JPH2: variants seen among roughly 807,000 people sequenced by gnomAD.
JPH2 encodes junctophilin-2.
A neutral mutation model predicts 55.9 loss-of-function variants in JPH2; 38 were observed. The observed-to-expected ratio is 0.68, with a 90% confidence interval of 0.52 to 0.89. The LOEUF (loss-of-function observed/expected upper bound fraction) is 0.89, where lower values mean the gene tolerates loss of function less well. Ranked by LOEUF, JPH2 falls within the 40% of genes least tolerant of loss-of-function variation. JPH2 has a pLI of 0.00. For synonymous variants in JPH2, 480 were observed against 472.4 expected, an observed-to-expected ratio of 1.02 and a Z score of -0.21; for missense variants, 964 against 1,037.6, an observed-to-expected ratio of 0.93 and a Z score of 0.97.
chr20:44,108,549 G>T lies in JPH2; in HGVS notation c.*4969C>A, dbSNP rs2072121718. Among the ~76,000 whole-genome samples, 1 of 149,822 alleles carries T rather than the reference G, an allele frequency of 6.7e-6. No individual in the cohort carries two copies. Among genetic ancestry groups the T allele is most frequent in the Non-Finnish European group, 1.5e-5 (1 of 67,748 alleles). On this transcript the variant is annotated 3_prime_UTR_variant, in exon 6 of 6. Transcript: ENST00000372980. Reference sequence around the variant, plus strand: ...AAGATTGCTGACTTTACAGCCTCAAGATGTAAATAGCTTTAAAAGGTCACT... The same window carrying T: ...AAGATTGCTGACTTTACAGCCTCAATATGTAAATAGCTTTAAAAGGTCACT...
chr20:44,150,550 G>T (rs1238212729), intron 2 of JPH2, among the ~76,000 whole-genome samples: 1 of 152,138 alleles, frequency 6.6e-6, no homozygotes, highest in African/African-American at 2.4e-5. Context: ...ATATGGAAAT[G>T]CAAGGAACTC....
At chr20:44,183,514 A>G (rs907417510) in intron 1 of JPH2, among the ~76,000 whole-genome samples, 4 of 152,186 alleles carry the variant, frequency 2.6e-5, no homozygotes, top group African/African-American at 4.8e-5. Context: ...ATGCAAATCT[A>G]TCCTGCATCT....
intron 2 of JPH2, among the ~76,000 whole-genome samples, chr20:44,127,262 A>G (rs1183266982): frequency 6.6e-6 from 1 of 152,214 alleles, no homozygotes; most frequent in Non-Finnish European, 1.5e-5. Flanking sequence ...TAATGCTGCT[A>G]TGGACATCTG....
At chr20:44,128,998 G>C (rs1026983987) in intron 2 of JPH2, among the ~76,000 whole-genome samples, 2 of 152,192 alleles carry the variant, frequency 1.3e-5, no homozygotes, top group African/African-American at 4.8e-5. Context: ...ATTAGAGAGA[G>C]AACTGACCAG....
At position 44,129,427 on chromosome 20, in the gene JPH2, C is replaced by T. The variant is rs191848782; in HGVS notation, c.1170-10804G>A. On this transcript the variant is annotated intron_variant, in intron 2 of 5. Coordinates refer to ENST00000372980, the MANE Select transcript of JPH2 (RefSeq NM_020433.5). ...AAAATTTGCTGGGCGCAGTGGTGCGCATCTGTAATCCTAGCTACTAGAGAG... is the reference window on the plus strand; with the variant it reads ...AAAATTTGCTGGGCGCAGTGGTGCGTATCTGTAATCCTAGCTACTAGAGAG... Among the ~76,000 whole-genome samples the T allele has an allele frequency of 3.3e-5, 5 of 152,014 alleles. No homozygotes were observed. The East Asian group carries it at 9.7e-4, about 30-fold the overall frequency.
intron 2 of JPH2, among the ~76,000 whole-genome samples, chr20:44,135,801 A>G (rs768937784): frequency 6.6e-6 from 1 of 152,204 alleles, no homozygotes; most frequent in Non-Finnish European, 1.5e-5. Context: ...CAACACAGCA[A>G]CAAGAAGGGG....
intron 2 of JPH2, among the ~76,000 whole-genome samples, chr20:44,131,868 T>C (rs1011529976): frequency 6.6e-6 from 1 of 152,192 alleles, no homozygotes; most frequent in Non-Finnish European, 1.5e-5. Context: ...CCCAGACCCA[T>C]CATTCACTTC....
At chr20:44,123,211 C>T (rs975399497) in intron 2 of JPH2, among the ~76,000 whole-genome samples, 5 of 152,186 alleles carry the variant, frequency 3.3e-5, no homozygotes, top group African/African-American at 1.2e-4. Flanking sequence ...GTCCCATGCT[C>T]CCAATCTCTG....
At position 44,108,573 on chromosome 20, in the gene JPH2, C is replaced by T. The variant is rs996626128; in HGVS notation, c.*4945G>A. Among the ~76,000 whole-genome samples, 11 of 148,014 alleles carry T rather than the reference C, an allele frequency of 7.4e-5. No homozygotes were observed. The highest frequency in any genetic ancestry group is 2.3e-4 in the African/African-American group (9 of 39,512). On this transcript the variant is annotated 3_prime_UTR_variant, in exon 6 of 6. Coordinates refer to ENST00000372980, the MANE Select transcript of JPH2 (RefSeq NM_020433.5). ...AGATGTAAATAGCTTTAAAAGGTCA[C>T]TAAGAAGTGACTGTATACCATTGCA... is the stretch of plus-strand genomic sequence containing the variant.
At chr20:44,145,472 A>G (rs2425621) in intron 2 of JPH2, among the ~76,000 whole-genome samples, 136,688 of 151,956 alleles carry the variant, frequency 0.9, 61,576 homozygotes, top group African/African-American at 0.93. Flanking sequence ...TGGGTGTGGT[A>G]GCGTGCCTGT....
At chr20:44,154,632 G>A (rs1468366264) in intron 2 of JPH2, among the ~76,000 whole-genome samples, 1 of 152,200 alleles carries the variant, frequency 6.6e-6, no homozygotes, top group Non-Finnish European at 1.5e-5. Context: ...GGGAGGAGCT[G>A]GAAGCCACAA....
chr20:44,159,504 T>A lies in JPH2; in HGVS notation c.1169+114A>T, dbSNP rs991113457. 1 of 1,097,384 alleles carries A rather than the reference T, an allele frequency of 9.1e-7. No homozygotes were observed. 68.0% of individuals were successfully genotyped at this position (1,097,384 alleles called of 1,614,324 possible). Reference sequence around the variant, plus strand: ...GCCTCCAATTAACCCCTGAAGGTGATGGGGGTAAAAGAAGCAGAATCAGGC... The same window carrying A: ...GCCTCCAATTAACCCCTGAAGGTGAAGGGGGTAAAAGAAGCAGAATCAGGC... On this transcript the variant is annotated intron_variant, in intron 2 of 5. Transcript: ENST00000372980. The surrounding 1 kb of genome is among the most constrained non-coding windows in gnomAD (Gnocchi z 5.7).
At chr20:44,144,657 C>T (rs1412352136) in intron 2 of JPH2, among the ~76,000 whole-genome samples, 1 of 152,182 alleles carries the variant, frequency 6.6e-6, no homozygotes, top group Non-Finnish European at 1.5e-5. Context: ...CCCTCCCCAC[C>T]GTGGTGAAGA....
At chr20:44,161,528 T>G (rs2072609934) in intron 1 of JPH2, among the ~76,000 whole-genome samples, 1 of 152,080 alleles carries the variant, frequency 6.6e-6, no homozygotes, top group African/African-American at 2.4e-5. Context: ...GCAACTGACT[T>G]AACCTCCCTG....
At chr20:44,144,408 G>A (rs1433911082) in intron 2 of JPH2, among the ~76,000 whole-genome samples, 5 of 152,102 alleles carry the variant, frequency 3.3e-5, no homozygotes, top group Non-Finnish European at 7.3e-5. Flanking sequence ...ACATCGCCTC[G>A]TATTGTCCTC....
chr20:44,174,003 C>T (rs190659135), intron 1 of JPH2, among the ~76,000 whole-genome samples: 1 of 152,184 alleles, frequency 6.6e-6, no homozygotes, highest in Non-Finnish European at 1.5e-5. Context: ...GCCACTTATT[C>T]CCCATCCTGT....
Position 44,186,815 on chromosome 20 carries a change from C to A in JPH2, c.-110G>T. On this transcript the variant is annotated 5_prime_UTR_variant, in exon 1 of 6. Transcript: ENST00000372980. ...CTCGGGGGCAGGCCCCCAGACTCAC[C>A]ACTGCACCCCAGGAGGGGGGAAGCA... 9.2e-7 allele frequency: 1 copy of A among 1,087,018 alleles called. No individual in the cohort carries two copies. The highest frequency in any genetic ancestry group is 1.4e-6 in the Non-Finnish European group (1 of 733,640). The allele number at this position is 1,087,018 out of a possible 1,614,324, so 67.3% of individuals were successfully genotyped here. A position where few individuals can be genotyped will look rare whatever the true frequency, so the allele number is the denominator to read the frequency against.
intron 1 of JPH2, chr20:44,177,205 G>C: frequency 2.0e-6 from 2 of 985,642 alleles, no homozygotes; most frequent in Non-Finnish European, 2.4e-6. Flanking sequence ...TGAGAACAAG[G>C]ATAACCCTCC....
intron 2 of JPH2, 83 bp from the exon 3 acceptor site, chr20:44,118,706 A>G (rs749937250): frequency 4.1e-5 from 44 of 1,085,276 alleles, no homozygotes; most frequent in Non-Finnish European, 6.0e-5. Flanking sequence ...ACAAAGAGAC[A>G]TGCTAAACAC....
Sources: gnomAD v4.1 joint callset for allele counts (sites outside exome capture counted in the v4.1 genomes callset) on GRCh38, gnomAD v4.1.1 for gene constraint, Gnocchi (gnomAD v3.1) non-coding constraint, MANE v1.5 for transcripts, NCBI Gene and HGNC (gene_info 2026-07-23, HGNC 2026-07-21) for gene names.